Variants in TECR observed in about 807,000 individuals in gnomAD.
TECR encodes the protein trans-2,3-enoyl-CoA reductase.
A neutral mutation model predicts 50.6 loss-of-function variants in TECR; 19 were observed. The ratio of observed to expected loss-of-function variants is 0.38; its 90% CI spans 0.26 to 0.55. The LOEUF (loss-of-function observed/expected upper bound fraction) is 0.55, where lower values mean the gene tolerates loss of function less well. Ranked by LOEUF, TECR falls within the 20% of genes least tolerant of loss-of-function variation. The pLI is 0.79. For synonymous variants in TECR, 168 were observed against 163.5 expected (o/e 1.03, Z -0.21); for missense variants, 313 against 408.3 (o/e 0.77, Z 2.01).
chr19:14,529,582 A>G (rs777167994), upstream of TECR: 259 of 1,530,426 alleles, frequency 1.7e-4, 2 homozygotes, highest in East Asian at 3.0e-3. Context: ...GGCGGGGCGG[A>G]CGCAGAGCCG....
chr19:14,563,662 G>T lies in TECR; in HGVS notation c.123G>T (p.Pro41=). 2 of 1,611,638 alleles carry T rather than the reference G, an allele frequency of 1.2e-6. No homozygotes were observed. The highest frequency in any genetic ancestry group is 1.7e-6 in the Non-Finnish European group (2 of 1,179,820). Residue 41 remains proline, a synonymous_variant, in exon 4 of 13, where the codon CCG becomes CCT. Coordinates refer to ENST00000215567, the MANE Select transcript of TECR (RefSeq NM_138501.6). The surrounding 1 kb of genome is among the most constrained non-coding windows in gnomAD (Gnocchi z 5.3). ...ACTGCCCTGTTCTCCCCGCAGATCC[G>T]CAGTGGTACCCCGCCCGCCAGTCCC... ...EIKNLFTKTH[P]QWYPARQSLR...
In TECR at chr19:14,563,013, G is replaced by C; in HGVS notation, c.67-193G>C. On this transcript the variant is annotated intron_variant, in intron 2 of 12. Coordinates refer to ENST00000215567, the MANE Select transcript of TECR (RefSeq NM_138501.6). The surrounding 1 kb of genome is among the most constrained non-coding windows in gnomAD (Gnocchi z 5.3). ...GGCTGAGGGTAAAAGTGGAGCCCCA[G>C]ACCCCTGCTGTCACTGCACTGGCAG... The C allele has an allele frequency of 1.5e-6, 1 of 660,022 alleles. No homozygotes were observed. Among genetic ancestry groups the C allele is most frequent in the South Asian group, 1.9e-5 (1 of 53,096 alleles). 40.9% of individuals were successfully genotyped at this position (660,022 alleles called of 1,614,324 possible). A position where few individuals can be genotyped will look rare whatever the true frequency, so the allele number is the denominator to read the frequency against.
Position 14,563,561 on chromosome 19 carries a change from C to A in TECR, c.119-97C>A. ...GAGCTGTGGAGTCCTGGGGTCCTTGCACCCTGGGAACCCTGAGAAGCTGGC... is the reference window on the plus strand; with the variant it reads ...GAGCTGTGGAGTCCTGGGGTCCTTGAACCCTGGGAACCCTGAGAAGCTGGC... On this transcript the variant is annotated intron_variant, in intron 3 of 12. Coordinates refer to ENST00000215567, the MANE Select transcript of TECR (RefSeq NM_138501.6). The surrounding 1 kb of genome is among the most constrained non-coding windows in gnomAD (Gnocchi z 5.3). 6.5e-7 allele frequency: 1 copy of A among 1,539,136 alleles called. No homozygotes were observed. The highest frequency in any genetic ancestry group is 8.9e-7 in the Non-Finnish European group (1 of 1,120,968).
chr19:14,546,430 T>TA (rs1217389695), intron 1 of TECR, among the ~76,000 whole-genome samples: 1 of 152,036 alleles, frequency 6.6e-6, no homozygotes, highest in Non-Finnish European at 1.5e-5. Context: ...CTACTAAAAA[T>TA]ACAAAAATTA....
At chr19:14,549,350 C>T (rs767399086) in intron 1 of TECR, among the ~76,000 whole-genome samples, 3 of 151,548 alleles carry the variant, frequency 2.0e-5, no homozygotes, top group Non-Finnish European at 4.4e-5. Context: ...GGAGCTGGGA[C>T]TACAGGCATG....
chr19:14,560,164 C>T (rs560304948), intron 1 of TECR, among the ~76,000 whole-genome samples: 14 of 152,316 alleles, frequency 9.2e-5, no homozygotes, highest in South Asian at 4.1e-4. Flanking sequence ...AGCAGCTAGC[C>T]GGGACCCCGA....
At chr19:14,541,429 T>TG (rs1403139055) in intron 1 of TECR, among the ~76,000 whole-genome samples, 5 of 152,260 alleles carry the variant, frequency 3.3e-5, no homozygotes, top group African/African-American at 1.2e-4. Flanking sequence ...GCACAGGTTG[T>TG]GGGCAGGTCC....
Position 14,529,648 on chromosome 19 carries a change from C to T in TECR, c.-49C>T, listed in dbSNP as rs377238588. 36 of 1,613,592 alleles carry T rather than the reference C, an allele frequency of 2.2e-5. No homozygotes were observed. Among genetic ancestry groups the T allele is most frequent in the African/African-American group, 9.3e-5 (7 of 74,950 alleles). On this transcript the variant is annotated 5_prime_UTR_variant, in exon 1 of 13. Transcript: ENST00000215567. ...TGTAGGGAGCCTGTGCTGTGCCGCGCAGTTAGGCAGCAGCAGCCGCGGAGC... is the reference window on the plus strand; with the variant it reads ...TGTAGGGAGCCTGTGCTGTGCCGCGTAGTTAGGCAGCAGCAGCCGCGGAGC...
intron 1 of TECR, chr19:14,545,113 G>A (rs925296652): frequency 2.2e-6 from 1 of 456,610 alleles, no homozygotes; most frequent in African/African-American, 2.0e-5. Context: ...TCTGTCCCCA[G>A]CAGAGAGATG....
intron 1 of TECR, among the ~76,000 whole-genome samples, chr19:14,540,922 C>T (rs1004381856): frequency 6.6e-6 from 1 of 152,100 alleles, no homozygotes; most frequent in Non-Finnish European, 1.5e-5. Context: ...GCAACTTCCG[C>T]TTTCCGGTTT....
At chr19:14,547,603 C>T (rs376687849) in intron 1 of TECR, among the ~76,000 whole-genome samples, 23 of 151,692 alleles carry the variant, frequency 1.5e-4, no homozygotes, top group African/African-American at 4.8e-4. Context: ...CTCAGGTAAT[C>T]CACCTGCCTT....
chr19:14,563,139 A>G lies in TECR; in HGVS notation c.67-67A>G. ...CAACCCCCAGCCTGCCATCCCCTTT[A>G]GTACCTCCCCATCCTGAGTCTGGGC... On this transcript the variant is annotated intron_variant, in intron 2 of 12. Coordinates refer to ENST00000215567, the MANE Select transcript of TECR (RefSeq NM_138501.6). The surrounding 1 kb of genome is among the most constrained non-coding windows in gnomAD (Gnocchi z 5.3). The G allele has an allele frequency of 6.2e-7, 1 of 1,610,714 alleles. No homozygotes were observed. The highest frequency in any genetic ancestry group is 8.5e-7 in the Non-Finnish European group (1 of 1,178,142).
At chr19:14,559,584 C>T (rs892897922) in intron 1 of TECR, among the ~76,000 whole-genome samples, 1 of 152,014 alleles carries the variant, frequency 6.6e-6, no homozygotes, top group Admixed American at 6.6e-5. Context: ...CTCAGGAGTT[C>T]GAGACCAGCC....
intron 1 of TECR, among the ~76,000 whole-genome samples, chr19:14,535,374 G>A (rs1465766711): frequency 6.6e-6 from 1 of 150,476 alleles, no homozygotes; most frequent in Non-Finnish European, 1.5e-5. Context: ...TGAGTGTGGT[G>A]GTGGGTACCT....
At chr19:14,539,412 G>T (rs1194636261) in intron 1 of TECR, among the ~76,000 whole-genome samples, 1 of 152,062 alleles carries the variant, frequency 6.6e-6, no homozygotes, top group African/African-American at 2.4e-5. Context: ...ATCCCAGGAA[G>T]TGGAGGCTAG....
At chr19:14,554,934 A>G (rs1032841661) in intron 1 of TECR, among the ~76,000 whole-genome samples, 3 of 151,594 alleles carry the variant, frequency 2.0e-5, no homozygotes, top group Admixed American at 1.3e-4. Context: ...GTGTGCCACC[A>G]TGCCCAGCTA....
chr19:14,547,192 G>A (rs10408527), intron 1 of TECR, among the ~76,000 whole-genome samples: 117,266 of 151,984 alleles, frequency 0.77, 46,263 homozygotes, highest in African/African-American at 0.91. Flanking sequence ...TCAAATTACT[G>A]AAGCATTTAG....
In TECR at chr19:14,537,244, G is replaced by A. The variant is rs569156862; in HGVS notation, c.15+7533G>A. On this transcript the variant is annotated intron_variant, in intron 1 of 12. Transcript: ENST00000215567. ...GAGGCGGGGCAAGAAGGAAGCGGCG[G>A]GCCTGGATGGGGGAGGCGGGACCAG... Among the ~76,000 whole-genome samples, 5 of 136,252 alleles carry A rather than the reference G, an allele frequency of 3.7e-5. No individual in the cohort carries two copies. In the South Asian group the frequency reaches 1.3e-3, roughly 35 times the overall value. The allele number at this position is 136,252 out of a possible 152,430, so 89.4% of individuals were successfully genotyped here. A position where few individuals can be genotyped will look rare whatever the true frequency, so the allele number is the denominator to read the frequency against.
intron 1 of TECR, among the ~76,000 whole-genome samples, chr19:14,560,525 C>A (rs1181791086): frequency 2.0e-5 from 3 of 152,246 alleles, no homozygotes; most frequent in Non-Finnish European, 4.4e-5. Flanking sequence ...CTACATATCC[C>A]CTTGGTGGGG....
Sources: gnomAD v4.1 joint callset for allele counts (sites outside exome capture counted in the v4.1 genomes callset) on GRCh38, gnomAD v4.1.1 for gene constraint, Gnocchi (gnomAD v3.1) non-coding constraint, MANE v1.5 for transcripts, NCBI Gene and HGNC (gene_info 2026-07-23, HGNC 2026-07-21) for gene names.